Variants in HSPH1 observed in about 807,000 individuals in gnomAD.
HSPH1 encodes the protein heat shock protein family H (Hsp110) member 1.
A neutral mutation model predicts 100.0 loss-of-function variants in HSPH1; 40 were observed. The ratio of observed to expected loss-of-function variants is 0.40; its 90% CI spans 0.31 to 0.52. The LOEUF (loss-of-function observed/expected upper bound fraction) is 0.52, where lower values mean the gene tolerates loss of function less well. HSPH1 is among the 20% of genes least tolerant of loss of function. The pLI is 0.54. For missense variants in HSPH1, 876 were observed against 1,015.1 expected (o/e 0.86, Z 1.86); for synonymous variants, 403 against 344.0 (o/e 1.17, Z -1.90).
chr13:31,158,945 T>C (rs1956801134), intron 1 of HSPH1, 82 bp from the exon 2 acceptor site: 1 of 864,616 alleles, frequency 1.2e-6, no homozygotes, highest in Non-Finnish European at 2.0e-6. Flanking sequence ...CTAACATAAA[T>C]GTCCTACCCA....
At position 31,151,595 on chromosome 13, in the gene HSPH1, A is replaced by T; in HGVS notation, c.663+14T>A. 6.2e-7 allele frequency: 1 copy of T among 1,606,630 alleles called. No homozygotes were observed. Among genetic ancestry groups the T allele is most frequent in the Non-Finnish European group, 8.5e-7 (1 of 1,177,214 alleles). ...AACGTGTTTTGGACACTGAGTTCCA[A>T]TGTATGACTTTACCTTCAATTTTCC... On this transcript the variant is annotated intron_variant, in intron 6 of 17. Transcript: ENST00000320027.
chr13:31,151,961 A>G, intron 5 of HSPH1: 2 of 496,450 alleles, frequency 4.0e-6, no homozygotes, highest in South Asian at 2.7e-5. Flanking sequence ...TTTTCAATAT[A>G]TGGAGATGTG....
intron 4 of HSPH1, 77 bp from the exon 5 acceptor site, chr13:31,153,028 T>C: frequency 1.0e-6 from 1 of 997,564 alleles, no homozygotes; most frequent in South Asian, 1.3e-5. Flanking sequence ...CACTTATAAA[T>C]TCACAACAGT....
chr13:31,156,766 C>T (rs146051066), intron 2 of HSPH1, among the ~76,000 whole-genome samples: 3 of 152,234 alleles, frequency 2.0e-5, no homozygotes, highest in East Asian at 1.9e-4. Flanking sequence ...ACTGCATGTG[C>T]GTATTCTGAA....
At chr13:31,141,705 C>T (rs932126214) in intron 12 of HSPH1, among the ~76,000 whole-genome samples, 1 of 151,748 alleles carries the variant, frequency 6.6e-6, no homozygotes, top group Non-Finnish European at 1.5e-5. Flanking sequence ...TGCCAGTATG[C>T]CTGCTTTAAT....
chr13:31,138,783 T>C lies in HSPH1; in HGVS notation c.2206A>G (p.Lys736Glu), dbSNP rs1198022960. Residue 736 changes from lysine (K) to glutamate (E), a missense_variant and splice_region_variant, in exon 16 of 18, where the codon AAG (lysine) becomes GAG (glutamate). Lys to Glu is a moderately conservative substitution (Grantham distance 56, BLOSUM62 1). Coordinates refer to ENST00000320027, the MANE Select transcript of HSPH1 (RefSeq NM_006644.4). ...YAKIAADFRN[K>E]DEKYNHIDES... is the part of the protein sequence containing the mutation. ...TATGTACAAAAAGACTGACTCACCT[T>C]ATTTCTGAAGTCAGCTGCTATCTTG... The C allele has an allele frequency of 6.2e-7, 1 of 1,603,692 alleles. No homozygotes were observed. The highest frequency in any genetic ancestry group is 2.2e-5 in the East Asian group (1 of 44,744).
intron 2 of HSPH1, among the ~76,000 whole-genome samples, chr13:31,156,564 C>CAAAAA (rs34646240): frequency 1.4e-5 from 2 of 142,674 alleles, no homozygotes; most frequent in African/African-American, 5.2e-5. Flanking sequence ...AACTCATTCT[C>CAAAAA]AAAAAAAAAA....
At chr13:31,152,770 G>C (rs1370208256) in intron 5 of HSPH1, 82 bp downstream of exon 5, 5 of 951,820 alleles carry the variant, frequency 5.3e-6, no homozygotes, top group Admixed American at 1.8e-5. Context: ...CTGTGTTTCT[G>C]TATCTATAAG....
Position 31,138,764 on chromosome 13 carries a change from C to CA in HSPH1, c.2208+16dup, listed in dbSNP as rs1211184373. 6.3e-7 allele frequency: 1 copy of CA among 1,596,840 alleles called. No individual in the cohort carries two copies. The highest frequency in any genetic ancestry group is 1.4e-5 in the African/African-American group (1 of 73,838). On this transcript the variant is annotated intron_variant, in intron 16 of 17. Transcript: ENST00000320027. ...TCTAGGTTAACTTCCTCCCTATGTA[C>CA]AAAAAGACTGACTCACCTTATTTCT...
upstream of HSPH1, chr13:31,162,117 T>C (rs1421006933): frequency 6.5e-7 from 1 of 1,534,874 alleles, no homozygotes; most frequent in Non-Finnish European, 8.7e-7. Flanking sequence ...GCCGCTCCCG[T>C]GCCATTGGCT....
chr13:31,145,928 C>A (rs1053518796), intron 10 of HSPH1, among the ~76,000 whole-genome samples, 160 bp from the exon 11 acceptor site: 2 of 151,800 alleles, frequency 1.3e-5, no homozygotes, highest in Admixed American at 6.6e-5. Context: ...CCAGCCTGGG[C>A]AAGATAGTGA....
chr13:31,153,086 T>C, intron 4 of HSPH1, 135 bp from the exon 5 acceptor site: 1 of 599,946 alleles, frequency 1.7e-6, no homozygotes, highest in Middle Eastern at 4.6e-4. Flanking sequence ...AATAGGGCTT[T>C]AGTTTTCTGC....
At chr13:31,156,835 C>G (rs17075586) in intron 2 of HSPH1, among the ~76,000 whole-genome samples, 1 of 152,096 alleles carries the variant, frequency 6.6e-6, no homozygotes, top group Non-Finnish European at 1.5e-5. Flanking sequence ...ACACAACTGG[C>G]GCACGTTTGT....
At chr13:31,140,124 T>C in intron 14 of HSPH1, 60 bp downstream of exon 14, 2 of 1,456,898 alleles carry the variant, frequency 1.4e-6, no homozygotes, top group South Asian at 2.8e-5. Context: ...CAACTGTCAA[T>C]TTTGATATTA....
chr13:31,144,026 C>T (rs911239993), intron 11 of HSPH1, 103 bp from the exon 12 acceptor site: 6 of 1,003,852 alleles, frequency 6.0e-6, no homozygotes, highest in Non-Finnish European at 8.1e-6. Context: ...TTTCTGAAAT[C>T]TTAACAGGTG....
At chr13:31,140,386 T>A in intron 13 of HSPH1, 77 bp from the exon 14 acceptor site, 1 of 1,402,060 alleles carries the variant, frequency 7.1e-7, no homozygotes, top group Non-Finnish European at 9.6e-7. Context: ...GACTCTGGGG[T>A]TTAAAAAAAA....
In HSPH1 at chr13:31,140,171, C is replaced by T. The variant is rs2137541186; in HGVS notation, c.1980+13G>A. ...TGAGACTATCTGAACAAAAACAGAG[C>T]TCTAAGACATACCTGCTCACATATA... On this transcript the variant is annotated intron_variant, in intron 14 of 17. Coordinates refer to ENST00000320027, the MANE Select transcript of HSPH1 (RefSeq NM_006644.4). The T allele has an allele frequency of 6.2e-7, 1 of 1,607,982 alleles. No individual in the cohort carries two copies. Among genetic ancestry groups the T allele is most frequent in the East Asian group, 2.2e-5 (1 of 44,744 alleles).
chr13:31,140,446 C>A, intron 13 of HSPH1, 137 bp from the exon 14 acceptor site: 1 of 587,524 alleles, frequency 1.7e-6, no homozygotes, highest in Non-Finnish European at 2.7e-6. Flanking sequence ...TATACCTTGT[C>A]AAACTCTTCC....
At chr13:31,151,276 A>G (rs138971339) in intron 6 of HSPH1, 85 bp from the exon 7 acceptor site, 2 of 1,084,280 alleles carry the variant, frequency 1.8e-6, no homozygotes, top group Non-Finnish European at 2.6e-6. Flanking sequence ...TCAAACAATG[A>G]AAGACTAAGA....
Sources: gnomAD v4.1 joint callset for allele counts (sites outside exome capture counted in the v4.1 genomes callset) on GRCh38, gnomAD v4.1.1 for gene constraint, MANE v1.5 for transcripts, NCBI Gene and HGNC (gene_info 2026-07-23, HGNC 2026-07-21) for gene names.